The following PCMT1 variants were observed in gnomAD, a reference collection of about 807,000 sequenced individuals.
The protein encoded by PCMT1 is protein-L-isoaspartate(D-aspartate) O-methyltransferase.
PCMT1 carries 9 observed loss-of-function variants against 29.2 expected under a neutral mutation model. The ratio of observed to expected loss-of-function variants is 0.31; its 90% CI spans 0.19 to 0.54. PCMT1 has a LOEUF of 0.54. PCMT1 is among the 20% of genes least tolerant of loss of function. PCMT1 has a pLI of 0.95. For missense variants in PCMT1, 184 were observed against 282.2 expected (o/e 0.65, Z 2.49); for synonymous variants, 98 against 97.5 (o/e 1.00, Z -0.03).
intron 3 of PCMT1, among the ~76,000 whole-genome samples, 191 bp downstream of exon 3, chr6:149,773,360 T>C (rs1317183301): frequency 4.6e-5 from 2 of 43,932 alleles, no homozygotes; most frequent in Non-Finnish European, 7.0e-5. Flanking sequence ...AGTTTTGTTT[T>C]GTTTTGTTTT....
At chr6:149,782,315 A>G (rs1787848091) in intron 3 of PCMT1, among the ~76,000 whole-genome samples, 1 of 152,164 alleles carries the variant, frequency 6.6e-6, no homozygotes, top group Non-Finnish European at 1.5e-5. Flanking sequence ...ATTATAAGAC[A>G]AGCAGAAAGT....
chr6:149,776,956 C>T (rs973550976), intron 3 of PCMT1, among the ~76,000 whole-genome samples: 1 of 151,906 alleles, frequency 6.6e-6, no homozygotes, highest in Admixed American at 6.6e-5. Flanking sequence ...GATATTTATC[C>T]CATAATATAT....
At chr6:149,790,170 A>G (rs560578915) in intron 4 of PCMT1, 112 bp downstream of exon 4, 5 of 668,128 alleles carry the variant, frequency 7.5e-6, no homozygotes, top group Non-Finnish European at 1.3e-5. Flanking sequence ...TTCTATTAGG[A>G]TAGCAGTTGG....
chr6:149,799,181 G>A (rs1788724701), intron 6 of PCMT1: 1 of 152,160 alleles, frequency 6.6e-6, no homozygotes, highest in African/African-American at 2.4e-5. Context: ...AGATGTGGCA[G>A]CCTGTGCCTG....
intron 3 of PCMT1, among the ~76,000 whole-genome samples, chr6:149,776,563 C>T (rs188173823): frequency 5.5e-4 from 83 of 152,166 alleles, no homozygotes; most frequent in Non-Finnish European, 7.4e-5. Context: ...AGGTGTGAGC[C>T]ACTGTGCCTG....
chr6:149,804,748 C>T (rs980172397), intron 7 of PCMT1, among the ~76,000 whole-genome samples: 2 of 151,992 alleles, frequency 1.3e-5, no homozygotes, highest in Non-Finnish European at 2.9e-5. Context: ...GTGATCTGCC[C>T]GCCTCGGCCT....
At chr6:149,799,325 A>C (rs1036725175) in intron 6 of PCMT1, among the ~76,000 whole-genome samples, 2 of 152,166 alleles carry the variant, frequency 1.3e-5, no homozygotes, top group African/African-American at 4.8e-5. Flanking sequence ...AAAAAAAATA[A>C]AAGCTTCTAG....
intron 3 of PCMT1, among the ~76,000 whole-genome samples, chr6:149,778,991 G>A (rs1160409363): frequency 6.6e-6 from 1 of 152,120 alleles, no homozygotes; most frequent in Non-Finnish European, 1.5e-5. Context: ...TAAGTATAAT[G>A]GTAGAAAAAT....
At chr6:149,788,728 T>G (rs761332105) in intron 3 of PCMT1, among the ~76,000 whole-genome samples, 10 of 152,196 alleles carry the variant, frequency 6.6e-5, no homozygotes, top group East Asian at 1.9e-4. Context: ...AAAATTACTA[T>G]TTTTCCTTTT....
At chr6:149,791,179 C>T (rs956052160) in intron 4 of PCMT1, among the ~76,000 whole-genome samples, 10 of 152,122 alleles carry the variant, frequency 6.6e-5, no homozygotes, top group Non-Finnish European at 1.2e-4. Flanking sequence ...TATTTAGCAT[C>T]GTAGCTGGGC....
At chr6:149,751,475 A>C (rs1786317204) in intron 1 of PCMT1, among the ~76,000 whole-genome samples, 2 of 127,418 alleles carry the variant, frequency 1.6e-5, no homozygotes, top group Admixed American at 1.5e-4. Context: ...CATGGTTGGT[A>C]CTTTTTTTTT....
At chr6:149,773,016 GAAAAA>G (rs373290909) in intron 2 of PCMT1, 117 bp from the exon 3 acceptor site, 197 of 424,382 alleles carry the variant, frequency 4.6e-4, no homozygotes, top group Middle Eastern at 1.3e-3. Flanking sequence ...GACTGTCTCA[GAAAAA>G]AAAAAAAAAA....
chr6:149,783,710 CCT>C (rs924722749), intron 3 of PCMT1, among the ~76,000 whole-genome samples: 2 of 151,740 alleles, frequency 1.3e-5, no homozygotes, highest in Non-Finnish European at 1.5e-5. Context: ...TTTTCTCCCC[CCT>C]GAGACAGGGT....
chr6:149,754,489 G>T (rs966876596), intron 1 of PCMT1, among the ~76,000 whole-genome samples: 2 of 152,162 alleles, frequency 1.3e-5, no homozygotes, highest in Admixed American at 6.5e-5. Flanking sequence ...AGTAGGTGAG[G>T]TGATGTTCTG....
Position 149,749,940 on chromosome 6 carries a change from A to G in PCMT1, c.39A>G (p.Leu13=), listed in dbSNP as rs758234850. 2 of 1,610,914 alleles carry G rather than the reference A, an allele frequency of 1.2e-6. No individual in the cohort carries two copies. The highest frequency in any genetic ancestry group is 4.5e-5 in the East Asian group (2 of 44,788). Residue 13 remains leucine (L), a synonymous_variant, in exon 1 of 8, where the codon CTA becomes CTG. Coordinates refer to ENST00000464889, the MANE Select transcript of PCMT1 (RefSeq NM_001360452.2). Reference sequence around the variant, plus strand: ...CCGGCGGCGCCAGCCACTCGGAGCTAATCCACAATCTCCGCAGTAAGTGCC... The same window carrying G: ...CCGGCGGCGCCAGCCACTCGGAGCTGATCCACAATCTCCGCAGTAAGTGCC... ...WKSGGASHSE[L]IHNLRKNGII...
intron 3 of PCMT1, among the ~76,000 whole-genome samples, chr6:149,779,473 CTGATT>C (rs1395980702): frequency 6.6e-6 from 1 of 152,164 alleles, no homozygotes; most frequent in Non-Finnish European, 1.5e-5. Flanking sequence ...TCTCCCGTCT[CTGATT>C]TGTCCCACAA....
At chr6:149,804,521 G>T (rs1235800726) in intron 7 of PCMT1, among the ~76,000 whole-genome samples, 1 of 151,516 alleles carries the variant, frequency 6.6e-6, no homozygotes, top group Admixed American at 6.6e-5. Context: ...TTAAAAAAGT[G>T]TTTTTTTTGA....
intron 1 of PCMT1, among the ~76,000 whole-genome samples, chr6:149,767,873 A>G (rs1441999996): frequency 6.6e-6 from 1 of 152,108 alleles, no homozygotes; most frequent in East Asian, 1.9e-4. Flanking sequence ...GGCTCACTGC[A>G]GCCTCCACCT....
Position 149,805,919 on chromosome 6 carries a change from G to A in PCMT1, c.*37+3503G>A, listed in dbSNP as rs1056272012. ...TTGTGCCACTGTACTCTAACCTGGC[G>A]ACAGAGTAAGACTCTGTCTCAAAAA... On this transcript the variant is annotated intron_variant, in intron 7 of 7. Transcript: ENST00000464889. 8.6e-5 allele frequency among the ~76,000 whole-genome samples: 12 copies of A among 138,848 alleles called. 1 individual carries two copies. Among genetic ancestry groups the A allele is most frequent in the South Asian group, 6.8e-4 (3 of 4,422 alleles). 91.1% of individuals were successfully genotyped at this position (138,848 alleles called of 152,430 possible).
Sources: allele counts gnomAD v4.1 joint callset (sites outside exome capture counted in the v4.1 genomes callset), GRCh38; gene constraint gnomAD v4.1.1; transcripts MANE v1.5; gene names NCBI Gene and HGNC (gene_info 2026-07-23, HGNC 2026-07-21).